The following FUT8 variants were observed in gnomAD, a reference collection of about 807,000 sequenced individuals.
FUT8 encodes the protein fucosyltransferase 8.
Under a neutral mutation model 71.3 loss-of-function variants are expected in FUT8, and 29 were observed. That is an observed-to-expected ratio of 0.41 (90% CI 0.30 to 0.55). The LOEUF is 0.55. Ranked by LOEUF, FUT8 falls within the 20% of genes least tolerant of loss-of-function variation. The probability of loss-of-function intolerance (pLI) is 0.34; values close to 1 mark genes in which losing one functional copy is unlikely to be tolerated. For synonymous variants in FUT8, 254 were observed against 239.3 expected, an observed-to-expected ratio of 1.06 and a Z score of -0.57; for missense variants, 544 against 702.1, an observed-to-expected ratio of 0.77 and a Z score of 2.55.
intron 10 of FUT8, among the ~76,000 whole-genome samples, chr14:65,739,117 G>A (rs1272794486): frequency 6.6e-6 from 1 of 151,934 alleles, no homozygotes; most frequent in South Asian, 2.1e-4. Context: ...AATAATAATA[G>A]TACCTCACAG....
intron 2 of FUT8, among the ~76,000 whole-genome samples, chr14:65,471,590 C>T (rs556086643): frequency 6.6e-6 from 1 of 152,202 alleles, no homozygotes; most frequent in Admixed American, 6.5e-5. Context: ...CCTACTGATG[C>T]TGGCTTCAGT....
chr14:65,693,547 A>T (rs1356294131), intron 7 of FUT8, among the ~76,000 whole-genome samples: 11 of 152,102 alleles, frequency 7.2e-5, no homozygotes, highest in South Asian at 4.2e-4. Flanking sequence ...GGAGAGAGGG[A>T]GGGGGAGAGG....
intron 1 of FUT8, among the ~76,000 whole-genome samples, chr14:65,452,692 C>T (rs1011061384): frequency 1.3e-5 from 2 of 152,220 alleles, no homozygotes; most frequent in African/African-American, 2.4e-5. Flanking sequence ...TGGGAAGCTG[C>T]GGAAGAACCA....
intron 7 of FUT8, among the ~76,000 whole-genome samples, chr14:65,682,897 T>TA (rs1037061820): frequency 2.0e-5 from 3 of 152,174 alleles, no homozygotes; most frequent in African/African-American, 7.2e-5. Context: ...TTTTAAGCTG[T>TA]AAAAATGTGA....
At chr14:65,426,710 C>A (rs1053580226) in intron 1 of FUT8, among the ~76,000 whole-genome samples, 4 of 152,180 alleles carry the variant, frequency 2.6e-5, no homozygotes, top group Non-Finnish European at 5.9e-5. Context: ...GCTCTTCTTA[C>A]ACCTGCTGTT....
At chr14:65,403,953 A>G in the FUT8 span, among the ~76,000 whole-genome samples, 1 of 151,628 alleles carries the variant, frequency 6.6e-6, no homozygotes, top group African/African-American at 2.4e-5. Flanking sequence ...GCTGGAGTGC[A>G]ATGGCATGAT....
chr14:65,677,705 A>T (rs1030589390), intron 7 of FUT8, among the ~76,000 whole-genome samples: 8 of 152,220 alleles, frequency 5.3e-5, no homozygotes, highest in African/African-American at 1.9e-4. Flanking sequence ...AGTACCATAA[A>T]CAGGGAAGTA....
chr14:65,656,798 C>T (rs561445140), intron 6 of FUT8, among the ~76,000 whole-genome samples: 3 of 151,942 alleles, frequency 2.0e-5, no homozygotes, highest in Non-Finnish European at 4.4e-5. Flanking sequence ...AGCATGGTAC[C>T]GGCATATAGA....
the FUT8 span, among the ~76,000 whole-genome samples, chr14:65,405,266 A>G: frequency 6.6e-6 from 1 of 152,218 alleles, no homozygotes; most frequent in East Asian, 1.9e-4. Flanking sequence ...ATGCAGCCAC[A>G]TCCATTGCAG....
chr14:65,483,722 T>A lies in FUT8; in HGVS notation c.-228+28004T>A, dbSNP rs2139690282. 7.2e-6 allele frequency among the ~76,000 whole-genome samples: 1 copy of A among 139,118 alleles called. No individual in the cohort carries two copies. Among genetic ancestry groups the A allele is most frequent in the East Asian group, 2.0e-4 (1 of 5,086 alleles). The allele number at this position is 139,118 out of a possible 152,430, so 91.3% of individuals were successfully genotyped here. A position where few individuals can be genotyped will look rare whatever the true frequency, so the allele number is the denominator to read the frequency against. On this transcript the variant is annotated intron_variant, in intron 2 of 10. Coordinates refer to ENST00000673929, the MANE Select transcript of FUT8 (RefSeq NM_001371533.1). This position sits in a 1 kb window ranked among gnomAD's most constrained non-coding sequence, Gnocchi z 4.4. ...TATAAATATTTAAATAACATATCAA[T>A]TTTTTTTTTTTGAGACAGAGTTATT... is the stretch of plus-strand genomic sequence containing the variant.
chr14:65,614,033 G>T (rs1183475543), intron 3 of FUT8, among the ~76,000 whole-genome samples: 1 of 149,568 alleles, frequency 6.7e-6, no homozygotes, highest in Non-Finnish European at 1.5e-5. Context: ...AGAATCATTT[G>T]AATCTGGGAG....
In FUT8 at chr14:65,568,411, C is replaced by T. The variant is rs931569948; in HGVS notation, c.203+6645C>T. Among the ~76,000 whole-genome samples the T allele has an allele frequency of 5.3e-5, 8 of 150,996 alleles. No homozygotes were observed. The East Asian group carries it at 1.5e-3, about 29-fold the overall frequency. On this transcript the variant is annotated intron_variant, in intron 3 of 10. Transcript: ENST00000673929. ...TTTCTATTTTATTTTCTTTTATGTC[C>T]TGGAAAGCCTTAAATTTCTCTCTAA...
At chr14:65,470,235 G>T (rs2066119537) in intron 2 of FUT8, among the ~76,000 whole-genome samples, 1 of 152,252 alleles carries the variant, frequency 6.6e-6, no homozygotes. Context: ...GTGGCAGCGG[G>T]AACAGGCATT....
chr14:65,740,745 G>A (rs1233555774), intron 10 of FUT8, among the ~76,000 whole-genome samples: 1 of 151,884 alleles, frequency 6.6e-6, no homozygotes, highest in African/African-American at 2.4e-5. Flanking sequence ...GCATCAAGGG[G>A]TGATGGTTTT....
At chr14:65,529,952 G>C (rs1883824237) in intron 2 of FUT8, among the ~76,000 whole-genome samples, 2 of 152,030 alleles carry the variant, frequency 1.3e-5, no homozygotes, top group Admixed American at 6.5e-5. Flanking sequence ...GGCCCTTTGT[G>C]AGCTCTGGAA....
chr14:65,601,579 A>C (rs552164837), intron 3 of FUT8, among the ~76,000 whole-genome samples: 2 of 152,192 alleles, frequency 1.3e-5, no homozygotes, highest in Non-Finnish European at 2.9e-5. Flanking sequence ...CATGTGAAAC[A>C]AAATGATGTT....
chr14:65,674,410 C>T (rs1044254658), intron 7 of FUT8, among the ~76,000 whole-genome samples: 3 of 152,100 alleles, frequency 2.0e-5, no homozygotes, highest in African/African-American at 7.2e-5. Context: ...CATTATCTAC[C>T]TCCCTGTCCA....
intron 3 of FUT8, among the ~76,000 whole-genome samples, chr14:65,566,595 G>A (rs1412551421): frequency 6.6e-6 from 1 of 151,958 alleles, no homozygotes; most frequent in Non-Finnish European, 1.5e-5. Flanking sequence ...TTTGGTGCAT[G>A]TGCCAGATTG....
chr14:65,464,628 A>G (rs898745682), intron 2 of FUT8, among the ~76,000 whole-genome samples: 1 of 149,858 alleles, frequency 6.7e-6, no homozygotes. Context: ...TGATTGTATG[A>G]TTTTTTTTTT....
Sources: allele counts gnomAD v4.1 joint callset (sites outside exome capture counted in the v4.1 genomes callset), GRCh38; gene constraint gnomAD v4.1.1; non-coding constraint Gnocchi (gnomAD v3.1); transcripts MANE v1.5; gene names NCBI Gene and HGNC (gene_info 2026-07-23, HGNC 2026-07-21).